Variants in COL23A1 observed in about 807,000 individuals in gnomAD.
The protein encoded by COL23A1 is collagen alpha-1(XXIII) chain.
In COL23A1, 97 loss-of-function variants were observed where a neutral mutation model predicts 99.3. The ratio of observed to expected loss-of-function variants is 0.98; its 90% CI spans 0.83 to 1.16. The LOEUF (loss-of-function observed/expected upper bound fraction) is 1.16, where lower values mean the gene tolerates loss of function less well. COL23A1 is among the 50% of genes most tolerant of loss of function. COL23A1 has a pLI of 0.00. For missense variants in COL23A1, 762 were observed against 757.4 expected (o/e 1.01, Z -0.07); for synonymous variants, 320 against 308.2 (o/e 1.04, Z -0.40).
intron 2 of COL23A1, among the ~76,000 whole-genome samples, chr5:178,462,264 T>C (rs948660553): frequency 2.6e-5 from 4 of 152,072 alleles, no homozygotes; most frequent in Non-Finnish European, 4.4e-5. Context: ...TCAGGCCCAA[T>C]CCCCAACACA....
At chr5:178,484,460 C>T (rs1313091850) in intron 2 of COL23A1, among the ~76,000 whole-genome samples, 1 of 152,142 alleles carries the variant, frequency 6.6e-6, no homozygotes, top group African/African-American at 2.4e-5. Context: ...TGCAAGAGAC[C>T]ACTAGCAGTG....
At chr5:178,348,723 C>T (rs1761132830) in intron 2 of COL23A1, among the ~76,000 whole-genome samples, 1 of 152,220 alleles carries the variant, frequency 6.6e-6, no homozygotes, top group African/African-American at 2.4e-5. Flanking sequence ...TGGCTCCCAC[C>T]TTCCTAAGTC....
At chr5:178,275,070 G>A (rs554819116) in intron 5 of COL23A1, among the ~76,000 whole-genome samples, 64 of 152,322 alleles carry the variant, frequency 4.2e-4, no homozygotes, top group African/African-American at 1.5e-3. Flanking sequence ...ACCCCGGATG[G>A]GCAGCCCTCC....
intron 2 of COL23A1, among the ~76,000 whole-genome samples, chr5:178,471,127 T>G (rs1756723444): frequency 6.6e-6 from 1 of 152,212 alleles, no homozygotes; most frequent in African/African-American, 2.4e-5. Context: ...ATGGCTAATT[T>G]GCAGAGCAGT....
At chr5:178,491,835 A>T (rs936367113) in intron 2 of COL23A1, among the ~76,000 whole-genome samples, 4 of 152,128 alleles carry the variant, frequency 2.6e-5, no homozygotes, top group African/African-American at 7.2e-5. Flanking sequence ...CCCGGGTTCA[A>T]GCAATTCTCC....
At chr5:178,537,053 C>A (rs143178550) in intron 2 of COL23A1, among the ~76,000 whole-genome samples, 3 of 152,254 alleles carry the variant, frequency 2.0e-5, no homozygotes, top group Non-Finnish European at 4.4e-5. Context: ...GAGACACATA[C>A]GGCACTGGCC....
chr5:178,382,305 A>G (rs1763425653), intron 2 of COL23A1, among the ~76,000 whole-genome samples: 1 of 152,182 alleles, frequency 6.6e-6, no homozygotes. Context: ...TCAACTGGTC[A>G]ACCTCCAGGG....
At chr5:178,359,230 G>A (rs971441400) in intron 2 of COL23A1, among the ~76,000 whole-genome samples, 2 of 152,196 alleles carry the variant, frequency 1.3e-5, no homozygotes, top group African/African-American at 4.8e-5. Context: ...GACGAAATAA[G>A]ATAGTGAAGG....
At chr5:178,560,590 C>G in intron 2 of COL23A1, 92 bp downstream of exon 2, 1 of 1,155,002 alleles carries the variant, frequency 8.7e-7, no homozygotes, top group Non-Finnish European at 1.2e-6. Flanking sequence ...GCCTGACACC[C>G]CAGTCCACCT....
chr5:178,590,039 C>T lies in COL23A1; in HGVS notation c.159G>A (p.Leu53=). 1 of 1,353,666 alleles carries T rather than the reference C, an allele frequency of 7.4e-7. No individual in the cohort carries two copies. Among genetic ancestry groups the T allele is most frequent in the Non-Finnish European group, 9.5e-7 (1 of 1,049,482 alleles). 83.9% of individuals were successfully genotyped at this position (1,353,666 alleles called of 1,614,324 possible). The change falls in exon 1 of 29, where the codon CTG becomes CTA. Residue 53 remains leucine (L), a synonymous_variant. Coordinates refer to ENST00000390654, the MANE Select transcript of COL23A1 (RefSeq NM_173465.4). This position sits in a 1 kb window ranked among gnomAD's most constrained non-coding sequence, Gnocchi z 5.7. ...GCAGCGCGGCCGCCTGGACACCCAG[C>T]AGCAGGCAGGCAGCCGCCGAGCCCA... ...LSVGSAAACL[L]LGVQAAALQG... is the part of the protein sequence containing the mutation.
chr5:178,238,898 A>C (rs1392556036), intron 28 of COL23A1, among the ~76,000 whole-genome samples, 198 bp from the exon 29 acceptor site: 4 of 152,124 alleles, frequency 2.6e-5, no homozygotes, highest in African/African-American at 4.8e-5. Context: ...GTGTCAGTTG[A>C]GTCCATGTGA....
At chr5:178,532,540 A>T (rs1760705690) in intron 2 of COL23A1, among the ~76,000 whole-genome samples, 1 of 152,128 alleles carries the variant, frequency 6.6e-6, no homozygotes, top group South Asian at 2.1e-4. Flanking sequence ...AACCCCATAC[A>T]GGCGAGGGGC....
At chr5:178,446,576 G>GA (rs1203754756) in intron 2 of COL23A1, among the ~76,000 whole-genome samples, 5 of 151,624 alleles carry the variant, frequency 3.3e-5, no homozygotes, top group South Asian at 2.1e-4. Flanking sequence ...CAAAACAGGA[G>GA]AAAAAAAATC....
intron 2 of COL23A1, among the ~76,000 whole-genome samples, chr5:178,469,534 C>T (rs73338663): frequency 0.021 from 3,139 of 151,930 alleles, 129 homozygotes; most frequent in African/African-American, 0.072. Context: ...GGTGAGGGGC[C>T]GATGGGCAGT....
At chr5:178,397,070 G>A (rs955369100) in intron 2 of COL23A1, among the ~76,000 whole-genome samples, 11 of 152,220 alleles carry the variant, frequency 7.2e-5, no homozygotes, top group Non-Finnish European at 1.6e-4. Context: ...TCTGGGACTC[G>A]GCTTGCTCCA....
chr5:178,450,555 T>A (rs774054267), intron 2 of COL23A1, among the ~76,000 whole-genome samples: 2 of 152,194 alleles, frequency 1.3e-5, no homozygotes, highest in African/African-American at 4.8e-5. Flanking sequence ...GCTACACCGG[T>A]GTCTGTGCTG....
chr5:178,238,589 GCC>G lies in COL23A1; in HGVS notation c.*107_*108del. On this transcript the variant is annotated 3_prime_UTR_variant, in exon 29 of 29. Coordinates refer to ENST00000390654, the MANE Select transcript of COL23A1 (RefSeq NM_173465.4). ...TGGGCATACTCTTGAATGTTAAAAGGCCACAGGTAGCGCATTCCATGAAAAAA... is the reference window on the plus strand; with the variant it reads ...TGGGCATACTCTTGAATGTTAAAAGGACAGGTAGCGCATTCCATGAAAAAA... The G allele has an allele frequency of 7.0e-7, 1 of 1,434,712 alleles. No homozygotes were observed. The highest frequency in any genetic ancestry group is 1.2e-5 in the South Asian group (1 of 86,020). 88.9% of individuals were successfully genotyped at this position (1,434,712 alleles called of 1,614,324 possible).
rs1756958794 is a variant in COL23A1, at chr5:178,282,618, T to C, written c.441+5706A>G. On this transcript the variant is annotated intron_variant, in intron 5 of 28. Coordinates refer to ENST00000390654, the MANE Select transcript of COL23A1 (RefSeq NM_173465.4). ...CAGGCCGTGTGTCTCAGCTAAGTCC[T>C]GTCACCCTCTGAGCTCAGATTTCTC... Among the ~76,000 whole-genome samples the C allele has an allele frequency of 2.0e-5, 3 of 152,230 alleles. No individual in the cohort carries two copies. The South Asian group carries it at 6.2e-4, about 32-fold the overall frequency.
rs538047314 is a variant in COL23A1 at position 178,438,199 on chromosome 5, A to G, written c.361+122483T>C. 9.2e-5 allele frequency among the ~76,000 whole-genome samples: 14 copies of G among 152,330 alleles called. No homozygotes were observed. The South Asian group carries it at 1.2e-3, about 14-fold the overall frequency. Reference sequence around the variant, plus strand: ...CCTAGAGAACTGAAGACACCAGGGCACTTGGTAACACAGTCCAACTTTACA... The same window carrying G: ...CCTAGAGAACTGAAGACACCAGGGCGCTTGGTAACACAGTCCAACTTTACA... On this transcript the variant is annotated intron_variant, in intron 2 of 28. Coordinates refer to ENST00000390654, the MANE Select transcript of COL23A1 (RefSeq NM_173465.4).
Sources: allele counts gnomAD v4.1 joint callset (sites outside exome capture counted in the v4.1 genomes callset), GRCh38; gene constraint gnomAD v4.1.1; non-coding constraint Gnocchi (gnomAD v3.1); transcripts MANE v1.5; gene names NCBI Gene and HGNC (gene_info 2026-07-23, HGNC 2026-07-21).